The following CADPS variants were observed in gnomAD, a reference collection of about 807,000 sequenced individuals.
CADPS encodes calcium-dependent secretion activator 1.
CADPS carries 57 observed loss-of-function variants against 167.3 expected under a neutral mutation model. The ratio of observed to expected loss-of-function variants is 0.34; its 90% CI spans 0.28 to 0.42. The LOEUF (loss-of-function observed/expected upper bound fraction) is 0.42. Ranked by LOEUF, CADPS falls within the 20% of genes least tolerant of loss-of-function variation. CADPS has a pLI of 1.00. For missense variants in CADPS, 1,414 were observed against 1,738.1 expected (o/e 0.81, Z 3.32); for synonymous variants, 676 against 635.3 (o/e 1.06, Z -0.96).
intron 23 of CADPS, chr3:62,477,984 T>A (rs192898009): frequency 2.5e-6 from 1 of 402,552 alleles, no homozygotes; most frequent in African/African-American, 2.0e-5. Flanking sequence ...CTGCTAGATA[T>A]CAGGGATACA....
intron 21 of CADPS, among the ~76,000 whole-genome samples, chr3:62,488,188 G>T (rs535681708): frequency 2.6e-4 from 39 of 152,216 alleles, no homozygotes; most frequent in African/African-American, 9.4e-4. Context: ...ATGCCAAAAA[G>T]ATCATTCTTC....
At chr3:62,680,215 C>A (rs1214636410) in intron 3 of CADPS, among the ~76,000 whole-genome samples, 2 of 68,262 alleles carry the variant, frequency 2.9e-5, no homozygotes, top group Non-Finnish European at 5.7e-5. Context: ...GTTGAGTCAG[C>A]CATTTGGAAA....
rs115303653 is a variant in CADPS at position 62,611,137 on chromosome 3, C to A, written c.1326-18389G>T. Among the ~76,000 whole-genome samples the A allele has an allele frequency of 3.3e-3, 503 of 152,210 alleles. 4 individuals carry two copies. The highest frequency in any genetic ancestry group is 0.012 in the African/African-American group (483 of 41,532). ...ACCACCCCACTGTCTCATAGGCACC[C>A]CACATAACACTCGGCTTCTGATCTT... On this transcript the variant is annotated intron_variant, in intron 6 of 29. Coordinates refer to ENST00000383710, the MANE Select transcript of CADPS (RefSeq NM_003716.4).
chr3:62,837,818 C>G (rs560703559), intron 1 of CADPS, among the ~76,000 whole-genome samples: 31 of 152,300 alleles, frequency 2.0e-4, no homozygotes, highest in Admixed American at 5.9e-4. Context: ...ATTGTTTCTT[C>G]TTCTGTAAAA....
Position 62,516,091 on chromosome 3 carries a change from T to G in CADPS, c.2549A>C (p.Tyr850Ser). 1 of 1,613,310 alleles carries G rather than the reference T, an allele frequency of 6.2e-7. No individual in the cohort carries two copies. Among genetic ancestry groups the G allele is most frequent in the Non-Finnish European group, 8.5e-7 (1 of 1,179,432 alleles). The change falls in exon 16 of 30, where the codon TAT (tyrosine) becomes TCT (serine). Residue 850 changes from tyrosine (Y) to serine (S), a missense_variant. Tyr to Ser is a moderately radical substitution (Grantham distance 144). Coordinates refer to ENST00000383710, the MANE Select transcript of CADPS (RefSeq NM_003716.4). The stretch of plus-strand genomic sequence containing the variant: ...TTTGGCATACTCTGAGAGCCGAGAA[T>G]AGTTGACTAACGCAGCCTGTTCCAG... ...KCLEQAALVN[Y>S]SRLSEYAKIE...
rs562482699 is a variant in CADPS at position 62,415,882 on chromosome 3, CTT to C, written c.3778-12699_3778-12698del. Among the ~76,000 whole-genome samples, 666 of 152,240 alleles carry C rather than the reference CTT, an allele frequency of 4.4e-3. 5 individuals are homozygous for C. Among genetic ancestry groups the C allele is most frequent in the African/African-American group, 0.015 (643 of 41,532 alleles). ...GAGTGGGGATGCTCTGCAAGTTTCT[CTT>C]TCTTTCTTTTTTCTTTCCTTTTTTC... On this transcript the variant is annotated intron_variant, in intron 28 of 29. Coordinates refer to ENST00000383710, the MANE Select transcript of CADPS (RefSeq NM_003716.4).
At chr3:62,832,855 G>T (rs1485194306) in intron 1 of CADPS, among the ~76,000 whole-genome samples, 2 of 152,228 alleles carry the variant, frequency 1.3e-5, no homozygotes, top group African/African-American at 4.8e-5. Context: ...AGGCAGAGAA[G>T]AAGGGGGCCA....
intron 24 of CADPS, 47 bp from the exon 25 acceptor site, chr3:62,466,460 C>G (rs950968644): frequency 3.3e-6 from 4 of 1,215,946 alleles, no homozygotes; most frequent in Non-Finnish European, 4.9e-6. Context: ...GAGGTGATGG[C>G]ACTGCATCCG....
rs764181593 is a variant in CADPS, at chr3:62,670,373, A to C, written c.889-7979T>G. Among the ~76,000 whole-genome samples the C allele has an allele frequency of 3.3e-5, 5 of 152,290 alleles. No homozygotes were observed. The East Asian group carries it at 7.7e-4, about 24-fold the overall frequency. On this transcript the variant is annotated intron_variant, in intron 3 of 29. Coordinates refer to ENST00000383710, the MANE Select transcript of CADPS (RefSeq NM_003716.4). ...CAGTCAATTACATTCTGTTGTTACAAAAAATCATCCAAGGAGATGATACTA... is the reference window on the plus strand; with the variant it reads ...CAGTCAATTACATTCTGTTGTTACACAAAATCATCCAAGGAGATGATACTA...
chr3:62,811,538 T>C (rs2094395044), intron 1 of CADPS, among the ~76,000 whole-genome samples: 1 of 152,218 alleles, frequency 6.6e-6, no homozygotes, highest in Non-Finnish European at 1.5e-5. Context: ...CCGTGCATTA[T>C]AAAGTCTTAT....
intron 5 of CADPS, among the ~76,000 whole-genome samples, chr3:62,649,751 T>C (rs2069594980): frequency 6.6e-6 from 1 of 151,460 alleles, no homozygotes; most frequent in Non-Finnish European, 1.5e-5. Flanking sequence ...GATGTCTCAC[T>C]ATGTTGCCCA....
chr3:62,488,554 A>T (rs1325756288), intron 21 of CADPS, among the ~76,000 whole-genome samples: 1 of 151,962 alleles, frequency 6.6e-6, no homozygotes, highest in African/African-American at 2.4e-5. Flanking sequence ...GTACAGTGGC[A>T]GGATCATGGC....
Position 62,446,242 on chromosome 3 carries a change from T to C in CADPS, c.3637-445A>G, listed in dbSNP as rs2057202704. Among the ~76,000 whole-genome samples, 2 of 152,194 alleles carry C rather than the reference T, an allele frequency of 1.3e-5. No homozygotes were observed. The stretch of plus-strand genomic sequence containing the variant: ...TCTCAGCTTTCATTAACTCAGGTTT[T>C]TAAGAGGAAGATGGACATCCTCAAC... On this transcript the variant is annotated intron_variant, in intron 26 of 29. Transcript: ENST00000383710. The surrounding 1 kb of genome is among the most constrained non-coding windows in gnomAD (Gnocchi z 4.9).
intron 3 of CADPS, among the ~76,000 whole-genome samples, chr3:62,729,331 T>A (rs940854062): frequency 6.6e-6 from 1 of 151,832 alleles, no homozygotes; most frequent in Admixed American, 6.5e-5. Context: ...TTAAGAAAAA[T>A]TGTCAGGGAG....
At chr3:62,692,750 A>G (rs11710428) in intron 3 of CADPS, among the ~76,000 whole-genome samples, 12,069 of 152,082 alleles carry the variant, frequency 0.079, 635 homozygotes, top group Non-Finnish European at 0.12. Flanking sequence ...TACACAGCCC[A>G]AATTAGGTTT....
intron 24 of CADPS, among the ~76,000 whole-genome samples, chr3:62,469,000 C>T (rs1459759944): frequency 6.6e-6 from 1 of 152,172 alleles, no homozygotes; most frequent in Non-Finnish European, 1.5e-5. Context: ...ATTACTACTA[C>T]TACTATGATT....
At chr3:62,681,675 C>G (rs546942567) in intron 3 of CADPS, among the ~76,000 whole-genome samples, 1 of 152,148 alleles carries the variant, frequency 6.6e-6, no homozygotes, top group East Asian at 1.9e-4. Context: ...TTTGACACGT[C>G]TACATGAACA....
chr3:62,690,197 G>C (rs2078854242), intron 3 of CADPS, among the ~76,000 whole-genome samples: 1 of 152,012 alleles, frequency 6.6e-6, no homozygotes, highest in South Asian at 2.1e-4. Context: ...AGCTGCCCCT[G>C]TTAAGTGGGA....
At chr3:62,786,027 T>A in intron 1 of CADPS, among the ~76,000 whole-genome samples, 1 of 150,364 alleles carries the variant, frequency 6.7e-6, no homozygotes, top group East Asian at 2.0e-4. Flanking sequence ...AGACTGGCCA[T>A]CGTGGTGAAA....
Sources: allele counts gnomAD v4.1 joint callset (sites outside exome capture counted in the v4.1 genomes callset), GRCh38; gene constraint gnomAD v4.1.1; non-coding constraint Gnocchi (gnomAD v3.1); transcripts MANE v1.5; gene names NCBI Gene and HGNC (gene_info 2026-07-23, HGNC 2026-07-21).